Variants in GRM5 observed in about 807,000 individuals in gnomAD.
The protein encoded by GRM5 is glutamate metabotropic receptor 5, also known as metabotropic glutamate receptor 5.
A neutral mutation model predicts 83.1 loss-of-function variants in GRM5; 19 were observed. The ratio of observed to expected loss-of-function variants is 0.23; its 90% CI spans 0.16 to 0.34. The LOEUF (loss-of-function observed/expected upper bound fraction) is 0.34, where lower values mean the gene tolerates loss of function less well. GRM5 is among the 10% of genes least tolerant of loss of function. GRM5 has a pLI of 1.00. For synonymous variants in GRM5, 675 were observed against 633.6 expected (o/e 1.07, Z -0.98); for missense variants, 1,160 against 1,588.3 (o/e 0.73, Z 4.58).
rs766508978 is a variant in GRM5 at position 88,567,537 on chromosome 11, G to T, written c.2146C>A (p.Pro716Thr). The T allele has an allele frequency of 3.7e-6, 6 of 1,613,662 alleles. No individual in the cohort carries two copies. Among genetic ancestry groups the T allele is most frequent in the Non-Finnish European group, 5.1e-6 (6 of 1,179,598 alleles). Reference sequence around the variant, plus strand: ...GGGTAGTCATGCATTATGTCAGGAGGCTCCATTATAAAGAGGGCAACGATG... The same window carrying T: ...GGGTAGTCATGCATTATGTCAGGAGTCTCCATTATAAAGAGGGCAACGATG... Reference protein sequence around the residue: ...GIIVALFIMEPPDIMHDYPSI... With the variant: ...GIIVALFIMETPDIMHDYPSI... Residue 716 changes from proline to threonine, a missense_variant, in exon 8 of 10, where the codon CCT becomes ACT. By Grantham distance (38) the Pro-to-Thr change is conservative (BLOSUM62 -1). Coordinates refer to ENST00000305447, the MANE Select transcript of GRM5 (RefSeq NM_001143831.3). The surrounding 1 kb of genome is among the most constrained non-coding windows in gnomAD (Gnocchi z 7.3).
At chr11:88,900,046 G>A (rs1265753377) in intron 2 of GRM5, among the ~76,000 whole-genome samples, 1 of 152,090 alleles carries the variant, frequency 6.6e-6, no homozygotes, top group African/African-American at 2.4e-5. Flanking sequence ...TTTTATGAGT[G>A]TCTGCTAAAT....
intron 6 of GRM5, among the ~76,000 whole-genome samples, chr11:88,593,769 TC>T (rs1591370143): frequency 9.5e-5 from 9 of 94,402 alleles, no homozygotes; most frequent in Admixed American, 3.0e-4. Flanking sequence ...TCCTTCTCTC[TC>T]TCTCTCTCTC....
chr11:89,058,955 C>T (rs1249064267), intron 1 of GRM5, among the ~76,000 whole-genome samples: 2 of 152,060 alleles, frequency 1.3e-5, no homozygotes, highest in African/African-American at 2.4e-5. Flanking sequence ...GTATTATTTA[C>T]TTCTATGTCT....
At chr11:88,843,833 C>T (rs561847673) in intron 3 of GRM5, among the ~76,000 whole-genome samples, 1 of 152,258 alleles carries the variant, frequency 6.6e-6, no homozygotes, top group East Asian at 1.9e-4. Context: ...ATCAAGTCAG[C>T]CACAACATTC....
chr11:88,844,140 G>A (rs1242114956), intron 3 of GRM5, among the ~76,000 whole-genome samples: 3 of 152,148 alleles, frequency 2.0e-5, no homozygotes, highest in African/African-American at 7.2e-5. Context: ...GCTTCAGATT[G>A]TCAAAGGACA....
chr11:88,852,106 C>T (rs11021606), intron 2 of GRM5, among the ~76,000 whole-genome samples: 2,774 of 152,166 alleles, frequency 0.018, 47 homozygotes, highest in East Asian at 0.067. Context: ...GTGAATTTAT[C>T]GAGAATTTCA....
chr11:88,643,882 G>A (rs1019672350), intron 4 of GRM5, among the ~76,000 whole-genome samples: 2 of 152,264 alleles, frequency 1.3e-5, no homozygotes, highest in Admixed American at 6.5e-5. Context: ...ACAACATTCT[G>A]ATGCATAAGG....
chr11:88,669,032 C>T (rs973181839), intron 3 of GRM5, among the ~76,000 whole-genome samples: 3 of 152,064 alleles, frequency 2.0e-5, no homozygotes, highest in Admixed American at 1.3e-4. Flanking sequence ...AATTGAATTG[C>T]CATATGATCC....
chr11:88,621,841 T>A (rs1307547216), intron 4 of GRM5, among the ~76,000 whole-genome samples: 6 of 152,150 alleles, frequency 3.9e-5, no homozygotes, highest in African/African-American at 7.2e-5. Context: ...ACGAATTACA[T>A]TGCAGTATGT....
intron 4 of GRM5, among the ~76,000 whole-genome samples, chr11:88,608,210 A>G (rs985320153): frequency 3.3e-5 from 5 of 152,150 alleles, no homozygotes; most frequent in African/African-American, 1.2e-4. Flanking sequence ...CATAACTTGC[A>G]TATGAGTATG....
At position 88,508,628 on chromosome 11, in the gene GRM5, G is replaced by T; in HGVS notation, c.3603C>A (p.Ile1201=). The change falls in exon 10 of 10, where the codon ATC becomes ATA. Residue 1201 remains isoleucine, a synonymous_variant. Coordinates refer to ENST00000305447, the MANE Select transcript of GRM5 (RefSeq NM_001143831.3). This position sits in a 1 kb window ranked among gnomAD's most constrained non-coding sequence, Gnocchi z 4.2. The part of the protein sequence containing the change: ...IPSSPKYDTL[I]IRDYTQSSSS... ...AGGAGCTCTGAGTGTAATCTCTTAT[G>T]ATAAGAGTGTCATATTTGGGAGACG... 1 of 1,610,440 alleles carries T rather than the reference G, an allele frequency of 6.2e-7. No homozygotes were observed. Among genetic ancestry groups the T allele is most frequent in the South Asian group, 1.1e-5 (1 of 91,050 alleles).
chr11:88,908,094 A>T lies in GRM5; in HGVS notation c.662-57939T>A, dbSNP rs189078237. Among the ~76,000 whole-genome samples the T allele has an allele frequency of 4.0e-3, 609 of 152,274 alleles. 2 individuals are homozygous for T. Among genetic ancestry groups the T allele is most frequent in the Middle Eastern group, 0.01 (3 of 294 alleles). On this transcript the variant is annotated intron_variant, in intron 2 of 9. Coordinates refer to ENST00000305447, the MANE Select transcript of GRM5 (RefSeq NM_001143831.3). The stretch of plus-strand genomic sequence containing the variant: ...TTGACTATGGTTATTAAAATGAGGG[A>T]AAATATGAGGCAATATTTCTTATCT...
At chr11:88,926,794 G>A (rs1945796916) in intron 2 of GRM5, among the ~76,000 whole-genome samples, 1 of 152,122 alleles carries the variant, frequency 6.6e-6, no homozygotes, top group Non-Finnish European at 1.5e-5. Context: ...GCAGTTCTGT[G>A]TTCTGTTCAT....
chr11:88,586,432 T>C (rs1386070966), intron 7 of GRM5, among the ~76,000 whole-genome samples: 3 of 152,158 alleles, frequency 2.0e-5, no homozygotes, highest in African/African-American at 7.2e-5. Context: ...TCCTGTCACA[T>C]AGAAAGCATT....
chr11:88,558,230 C>T (rs540658629), intron 8 of GRM5, among the ~76,000 whole-genome samples: 3 of 152,264 alleles, frequency 2.0e-5, no homozygotes, highest in Admixed American at 1.3e-4. Context: ...ATTAGGCACT[C>T]TCTCCAAAGA....
chr11:88,966,798 G>C (rs686243), intron 2 of GRM5, among the ~76,000 whole-genome samples: 12 of 152,032 alleles, frequency 7.9e-5, no homozygotes, highest in African/African-American at 2.9e-4. Flanking sequence ...GGAAGGAAGT[G>C]TACACAAATG....
intron 2 of GRM5, among the ~76,000 whole-genome samples, chr11:88,892,987 T>C (rs1483894772): frequency 2.6e-5 from 4 of 152,010 alleles, no homozygotes; most frequent in African/African-American, 9.7e-5. Flanking sequence ...GAAAATTATC[T>C]ACTACACCAC....
At chr11:88,938,573 A>G (rs1779110489) in intron 2 of GRM5, among the ~76,000 whole-genome samples, 1 of 149,878 alleles carries the variant, frequency 6.7e-6, no homozygotes, top group Non-Finnish European at 1.5e-5. Flanking sequence ...TTAAAGAAGA[A>G]GGTACACCCC....
At chr11:88,869,748 C>T (rs1227832690) in intron 2 of GRM5, among the ~76,000 whole-genome samples, 1 of 151,238 alleles carries the variant, frequency 6.6e-6, no homozygotes, top group Admixed American at 6.6e-5. Flanking sequence ...AAATGTGAGC[C>T]AACAGCAGTC....
Sources: gnomAD v4.1 joint callset for allele counts (sites outside exome capture counted in the v4.1 genomes callset) on GRCh38, gnomAD v4.1.1 for gene constraint, Gnocchi (gnomAD v3.1) non-coding constraint, MANE v1.5 for transcripts, NCBI Gene and HGNC (gene_info 2026-07-23, HGNC 2026-07-21) for gene names.